The following HPGD variants were observed in gnomAD, a reference collection of about 807,000 sequenced individuals.
HPGD encodes the protein 15-hydroxyprostaglandin dehydrogenase [NAD(+)].
HPGD carries 29 observed loss-of-function variants against 30.0 expected under a neutral mutation model. The ratio of observed to expected loss-of-function variants is 0.97; its 90% confidence interval spans 0.72 to 1.32. The LOEUF is 1.32. HPGD is among the 40% of genes most tolerant of loss of function. The pLI is 0.00. For missense variants in HPGD, 340 were observed against 322.1 expected (o/e 1.06, Z -0.43); for synonymous variants, 99 against 112.4 (o/e 0.88, Z 0.75).
At position 174,496,367 on chromosome 4, in the gene HPGD, G is replaced by A. The variant is rs1430756870; in HGVS notation, c.422-743C>T. ...TAACTGATTAAATTCATGGTCTGGA[G>A]AGAAAAAACAGTATAGCATATACCT... On this transcript the variant is annotated intron_variant, in intron 4 of 6. Transcript: ENST00000296522. This position sits in a 1 kb window ranked among gnomAD's most constrained non-coding sequence, Gnocchi z 4.6. Among the ~76,000 whole-genome samples, 2 of 143,756 alleles carry A rather than the reference G, an allele frequency of 1.4e-5. No homozygotes were observed. The highest frequency in any genetic ancestry group is 5.0e-5 in the African/African-American group (2 of 39,606). 94.3% of individuals were successfully genotyped at this position (143,756 alleles called of 152,430 possible). A position where few individuals can be genotyped will look rare whatever the true frequency, so the allele number is the denominator to read the frequency against.
chr4:174,511,215 GAAAA>G (rs34118686), intron 3 of HPGD, among the ~76,000 whole-genome samples: 7 of 144,336 alleles, frequency 4.8e-5, no homozygotes, highest in Admixed American at 1.4e-4. Context: ...GTGCATTTCA[GAAAA>G]AAAAAAAAAA....
chr4:174,508,666 T>C lies in HPGD; in HGVS notation c.421+30A>G, dbSNP rs749354221. 28 of 1,203,830 alleles carry C rather than the reference T, an allele frequency of 2.3e-5. No individual in the cohort carries two copies. The Admixed American group carries it at 4.5e-4, about 20-fold the overall frequency. The allele number at this position is 1,203,830 out of a possible 1,614,324, so 74.6% of individuals were successfully genotyped here. On this transcript the variant is annotated intron_variant, in intron 4 of 6. Coordinates refer to ENST00000296522, the MANE Select transcript of HPGD (RefSeq NM_000860.6). ...GTGGTCCAAATTACCAGTAAGAAAA[T>C]GTTACATTTAATGTAATAATTGCCC...
intron 3 of HPGD, among the ~76,000 whole-genome samples, chr4:174,509,287 T>G (rs1735350742): frequency 6.6e-6 from 1 of 152,200 alleles, no homozygotes; most frequent in Non-Finnish European, 1.5e-5. Flanking sequence ...CTTTTTTCTT[T>G]CTAATAAAAG....
In HPGD at chr4:174,522,037, C is replaced by A. The variant is rs370261776; in HGVS notation, c.124G>T (p.Gly42Cys). The change falls in exon 2 of 7, where the codon GGT becomes TGT. Residue 42 changes from glycine (G) to cysteine (C), a missense_variant. Physicochemically the swap from Gly to Cys is radical, Grantham distance 159. Transcript: ENST00000296522. ...VALVDWNLEA[G>C]VQCKAALDEQ... ...TCCAGGGCAGCTTTACACTGTACACCTGCTTCAAGATTCCAATCCACCAGC... is the reference window on the plus strand; with the variant it reads ...TCCAGGGCAGCTTTACACTGTACACATGCTTCAAGATTCCAATCCACCAGC... 5.0e-6 allele frequency: 8 copies of A among 1,614,086 alleles called. No individual in the cohort carries two copies. Among genetic ancestry groups the A allele is most frequent in the African/African-American group, 4.0e-5 (3 of 74,940 alleles).
chr4:174,493,385 G>A, intron 5 of HPGD, 71 bp from the exon 6 acceptor site: 1 of 1,443,514 alleles, frequency 6.9e-7, no homozygotes, highest in South Asian at 1.1e-5. Flanking sequence ...GATCATTAAA[G>A]CATCTTACAA....
Position 174,497,568 on chromosome 4 carries a change from C to CTTTTCTTTTTTTTTTTTTTTTTT in HPGD, c.422-1945_422-1944insAAAAAAAAAAAAAAAAAAGAAAA, listed in dbSNP as rs1553998366. Among the ~76,000 whole-genome samples the CTTTTCTTTTTTTTTTTTTTTTTT allele has an allele frequency of 5.3e-4, 27 of 51,114 alleles. 1 individual carries two copies. The highest frequency in any genetic ancestry group is 1.8e-3 in the African/African-American group (27 of 14,960). 33.5% of individuals were successfully genotyped at this position (51,114 alleles called of 152,430 possible). On this transcript the variant is annotated intron_variant, in intron 4 of 6. Transcript: ENST00000296522. ...CACTTTCTTTTCTTTCTTTTTCTTT[C>CTTTTCTTTTTTTTTTTTTTTTTT]TTTTTTTTTTTTTTTTTTTTTTTTT...
intron 4 of HPGD, among the ~76,000 whole-genome samples, chr4:174,502,563 AG>A (rs1411620682): frequency 1.3e-5 from 2 of 151,794 alleles, no homozygotes; most frequent in Non-Finnish European, 2.9e-5. Context: ...CTGTAGTCTC[AG>A]CTACTCAGGA....
chr4:174,502,677 CAA>C (rs10694450), intron 4 of HPGD, among the ~76,000 whole-genome samples: 1,238 of 98,828 alleles, frequency 0.013, 22 homozygotes, highest in African/African-American at 0.045. Context: ...GACTCCGTCT[CAA>C]AAAAAAAAAA....
At chr4:174,521,281 G>T (rs1736101889) in intron 2 of HPGD, among the ~76,000 whole-genome samples, 1 of 151,140 alleles carries the variant, frequency 6.6e-6, no homozygotes, top group Admixed American at 6.6e-5. Context: ...TGCCAATATT[G>T]TCCCTGATAC....
intron 3 of HPGD, among the ~76,000 whole-genome samples, chr4:174,515,094 A>G (rs1490690847): frequency 6.6e-6 from 1 of 152,190 alleles, no homozygotes; most frequent in African/African-American, 2.4e-5. Context: ...ATACTGCTCA[A>G]AGCAATTTAC....
At chr4:174,519,380 A>AT (rs1182359475) in intron 2 of HPGD, among the ~76,000 whole-genome samples, 2 of 151,808 alleles carry the variant, frequency 1.3e-5, no homozygotes, top group Non-Finnish European at 2.9e-5. Context: ...CGCCCGGCTA[A>AT]TTTTTTGTAT....
intron 2 of HPGD, 48 bp from the exon 3 acceptor site, chr4:174,518,125 T>C (rs778352063): frequency 1.1e-6 from 1 of 926,256 alleles, no homozygotes; most frequent in South Asian, 1.4e-5. Context: ...TTTCCATGTA[T>C]ACATTTAAAT....
chr4:174,507,602 CAG>C (rs1735251914), intron 4 of HPGD: 1 of 152,220 alleles, frequency 6.6e-6, no homozygotes, highest in Non-Finnish European at 1.5e-5. Flanking sequence ...TAAAACCAAA[CAG>C]ATAATTTTTT....
chr4:174,503,414 T>C (rs1735020505), intron 4 of HPGD, among the ~76,000 whole-genome samples: 2 of 152,206 alleles, frequency 1.3e-5, no homozygotes, highest in Non-Finnish European at 1.5e-5. Flanking sequence ...CAACTATAAA[T>C]TGGAGATAAT....
intron 5 of HPGD, 57 bp downstream of exon 5, chr4:174,495,491 A>T (rs904388413): frequency 5.4e-6 from 7 of 1,289,490 alleles, no homozygotes; most frequent in African/African-American, 2.9e-5. Flanking sequence ...TACAGAATTC[A>T]TGTTTTATAA....
intron 3 of HPGD, among the ~76,000 whole-genome samples, chr4:174,513,969 C>G (rs941118097): frequency 1.3e-5 from 2 of 151,842 alleles, no homozygotes; most frequent in African/African-American, 4.8e-5. Flanking sequence ...TGCCATTTGC[C>G]ATTTGAGATA....
At chr4:174,497,844 G>A (rs1734710327) in intron 4 of HPGD, among the ~76,000 whole-genome samples, 1 of 151,478 alleles carries the variant, frequency 6.6e-6, no homozygotes, top group Admixed American at 6.6e-5. Flanking sequence ...CCAAAGTGCT[G>A]GGATTACAGG....
intron 4 of HPGD, 163 bp from the exon 5 acceptor site, chr4:174,495,787 T>C: frequency 1.5e-6 from 1 of 658,722 alleles, no homozygotes; most frequent in East Asian, 2.8e-5. Flanking sequence ...CTCAGTAGCC[T>C]AAGTGTAGTT....
rs1385350077 is a variant in HPGD at position 174,490,383 on chromosome 4, C to A, written c.*1573G>T. The A allele has an allele frequency of 6.6e-6, 1 of 152,170 alleles. No homozygotes were observed. Among genetic ancestry groups the A allele is most frequent in the African/African-American group, 2.4e-5 (1 of 41,392 alleles). 9.4% of individuals were successfully genotyped at this position (152,170 alleles called of 1,614,324 possible). A position where few individuals can be genotyped will look rare whatever the true frequency, so the allele number is the denominator to read the frequency against. On this transcript the variant is annotated 3_prime_UTR_variant, in exon 7 of 7. Coordinates refer to ENST00000296522, the MANE Select transcript of HPGD (RefSeq NM_000860.6). This position sits in a 1 kb window ranked among gnomAD's most constrained non-coding sequence, Gnocchi z 4.4. Reference sequence around the variant, plus strand: ...TTGATTTGAAAAAATTAATTCAAAGCAGAATGTATATTGAAGGCTACTAGT... The same window carrying A: ...TTGATTTGAAAAAATTAATTCAAAGAAGAATGTATATTGAAGGCTACTAGT...
Sources: gnomAD v4.1 joint callset for allele counts (sites outside exome capture counted in the v4.1 genomes callset) on GRCh38, gnomAD v4.1.1 for gene constraint, Gnocchi (gnomAD v3.1) non-coding constraint, MANE v1.5 for transcripts, NCBI Gene and HGNC (gene_info 2026-07-23, HGNC 2026-07-21) for gene names.